Variants in CLVS1 observed in about 807,000 individuals in gnomAD.
CLVS1 encodes clavesin-1.
CLVS1 carries 10 observed loss-of-function variants against 33.1 expected under a neutral mutation model. The observed-to-expected ratio is 0.30, with a 90% CI of 0.19 to 0.51. CLVS1 has a LOEUF of 0.51. CLVS1 is among the 20% of genes least tolerant of loss of function. CLVS1 has a pLI of 0.97. For missense variants in CLVS1, 343 were observed against 433.4 expected (o/e 0.79, Z 1.85); for synonymous variants, 163 against 166.1 (o/e 0.98, Z 0.14).
intron 2 of CLVS1, among the ~76,000 whole-genome samples, chr8:61,215,013 A>G (rs576241949): frequency 2.3e-4 from 35 of 152,256 alleles, no homozygotes; most frequent in Non-Finnish European, 3.7e-4. Flanking sequence ...TGTAATTCCT[A>G]TTGTGTAACA....
the CLVS1 span, among the ~76,000 whole-genome samples, chr8:61,016,200 C>T: frequency 6.6e-5 from 10 of 152,232 alleles, no homozygotes; most frequent in Non-Finnish European, 1.0e-4. Context: ...ACTTGGGTCT[C>T]ATCCCCAAGA....
the CLVS1 span, among the ~76,000 whole-genome samples, chr8:61,014,541 GCAA>G: frequency 6.6e-6 from 1 of 152,212 alleles, no homozygotes; most frequent in Admixed American, 6.5e-5. Flanking sequence ...CATCAGTCAA[GCAA>G]CAACATGCAC....
At chr8:61,333,516 A>C (rs1159753367) in intron 2 of CLVS1, among the ~76,000 whole-genome samples, 1 of 152,234 alleles carries the variant, frequency 6.6e-6, no homozygotes, top group Non-Finnish European at 1.5e-5. Context: ...AGCAGTTTCA[A>C]ATTTGTACCA....
the CLVS1 span, among the ~76,000 whole-genome samples, chr8:60,996,189 A>G: frequency 1.3e-5 from 2 of 152,212 alleles, no homozygotes; most frequent in Non-Finnish European, 2.9e-5. Context: ...TTTGGCTGCA[A>G]TGCTATTGAA....
rs753956007 is a variant in CLVS1 at position 61,263,124 on chromosome 8, C to T, written c.-151-36553C>T. On this transcript the variant is annotated intron_variant, in intron 2 of 2. Coordinates refer to the CLVS1 transcript ENST00000522621. The stretch of plus-strand genomic sequence containing the variant: ...ATGAAAAATGACCCAAAGATGTCCC[C>T]GGCTAAGTATTCAGCTTGATTGGCA... 2.6e-5 allele frequency among the ~76,000 whole-genome samples: 4 copies of T among 152,112 alleles called. No homozygotes were observed. In the East Asian group the frequency reaches 5.8e-4, roughly 22 times the overall value.
intron 2 of CLVS1, among the ~76,000 whole-genome samples, chr8:61,141,842 C>A (rs1806313611): frequency 6.6e-6 from 1 of 152,186 alleles, no homozygotes; most frequent in Admixed American, 6.5e-5. Flanking sequence ...CCAGAGTCAG[C>A]CCCGTCTACC....
chr8:61,285,142 C>T (rs904666818), upstream of CLVS1, among the ~76,000 whole-genome samples: 9 of 152,132 alleles, frequency 5.9e-5, no homozygotes, highest in African/African-American at 2.2e-4. Flanking sequence ...GACTTCCAAT[C>T]ATCTATGGGA....
At chr8:61,282,857 AC>A (rs769443310) in intron 2 of CLVS1, among the ~76,000 whole-genome samples, 1 of 152,242 alleles carries the variant, frequency 6.6e-6, no homozygotes, top group Non-Finnish European at 1.5e-5. Context: ...AGTTGCAGGA[AC>A]AAAAAACTTG....
chr8:61,364,496 A>G (rs1164523739), intron 2 of CLVS1, among the ~76,000 whole-genome samples: 3 of 152,252 alleles, frequency 2.0e-5, no homozygotes, highest in Non-Finnish European at 4.4e-5. Context: ...CTTTTCTTTC[A>G]GTTACATAAT....
the CLVS1 span, among the ~76,000 whole-genome samples, chr8:61,018,053 A>G: frequency 6.6e-6 from 1 of 152,190 alleles, no homozygotes; most frequent in East Asian, 1.9e-4. Flanking sequence ...GGAAGGGGAG[A>G]GGACTGGTTA....
intron 3 of CLVS1, among the ~76,000 whole-genome samples, chr8:61,420,526 C>A (rs571261019): frequency 1.3e-5 from 2 of 152,038 alleles, no homozygotes; most frequent in African/African-American, 2.4e-5. Flanking sequence ...CGCTTGAACC[C>A]GGGAGGCGGA....
chr8:61,362,160 T>C (rs1813006710), intron 2 of CLVS1, among the ~76,000 whole-genome samples: 1 of 152,102 alleles, frequency 6.6e-6, no homozygotes, highest in Admixed American at 6.6e-5. Context: ...CAGAGTTTGG[T>C]CAAGATGGGA....
intron 2 of CLVS1, among the ~76,000 whole-genome samples, chr8:61,337,698 A>G (rs1054655092): frequency 2.0e-5 from 3 of 152,316 alleles, no homozygotes; most frequent in East Asian, 1.9e-4. Flanking sequence ...GAGGGTGGCT[A>G]TCGTGATTTT....
the CLVS1 span, among the ~76,000 whole-genome samples, chr8:61,047,359 G>A: frequency 6.6e-6 from 1 of 152,176 alleles, no homozygotes; most frequent in Non-Finnish European, 1.5e-5. Context: ...ACTGTTTGTG[G>A]AACTGTAAAC....
At chr8:61,328,673 A>C (rs1419115118) in intron 2 of CLVS1, among the ~76,000 whole-genome samples, 1 of 152,106 alleles carries the variant, frequency 6.6e-6, no homozygotes, top group Non-Finnish European at 1.5e-5. Context: ...TCTAGCATGC[A>C]TGTTCATTTC....
At chr8:61,333,979 T>C (rs570100078) in intron 2 of CLVS1, among the ~76,000 whole-genome samples, 1 of 152,348 alleles carries the variant, frequency 6.6e-6, no homozygotes, top group South Asian at 2.1e-4. Context: ...TGTGTTAGTT[T>C]GCTGGGGATA....
upstream of CLVS1, among the ~76,000 whole-genome samples, chr8:61,054,203 C>G (rs1004614410): frequency 2.0e-5 from 3 of 152,174 alleles, no homozygotes; most frequent in Admixed American, 2.0e-4. Flanking sequence ...GGGAAAGCTG[C>G]CGCCCTGGGC....
chr8:61,162,169 A>G (rs755151427), intron 2 of CLVS1, among the ~76,000 whole-genome samples: 2 of 152,116 alleles, frequency 1.3e-5, no homozygotes, highest in Non-Finnish European at 2.9e-5. Flanking sequence ...ATTGTTCACT[A>G]CCCTTCAAAA....
chr8:61,130,910 C>A (rs1057280464), intron 1 of CLVS1, among the ~76,000 whole-genome samples: 8 of 152,248 alleles, frequency 5.3e-5, no homozygotes, highest in African/African-American at 1.9e-4. Flanking sequence ...ATTCCAGACT[C>A]ATCAACTCAT....
Sources: allele counts gnomAD v4.1 joint callset (sites outside exome capture counted in the v4.1 genomes callset), GRCh38; gene constraint gnomAD v4.1.1; transcripts MANE v1.5; gene names NCBI Gene and HGNC (gene_info 2026-07-23, HGNC 2026-07-21).